Variants in PDIA5 observed in about 807,000 individuals in gnomAD.
PDIA5 encodes protein disulfide isomerase family A member 5.
Under a neutral mutation model 77.6 loss-of-function variants are expected in PDIA5, and 58 were observed. The ratio of observed to expected loss-of-function variants is 0.75; its 90% CI spans 0.61 to 0.93. PDIA5 has a LOEUF of 0.93. PDIA5 is among the 40% of genes least tolerant of loss of function. The pLI is 0.00. For missense variants in PDIA5, 630 were observed against 647.7 expected (o/e 0.97, Z 0.30); for synonymous variants, 250 against 252.1 (o/e 0.99, Z 0.08).
chr3:123,137,686 G>A (rs1935533209), intron 11 of PDIA5, among the ~76,000 whole-genome samples: 1 of 152,118 alleles, frequency 6.6e-6, no homozygotes, highest in Non-Finnish European at 1.5e-5. Flanking sequence ...GAGACACCAA[G>A]AGGTCAAGAA....
At chr3:123,152,885 G>A (rs1030391345) in intron 14 of PDIA5, among the ~76,000 whole-genome samples, 4 of 151,900 alleles carry the variant, frequency 2.6e-5, no homozygotes, top group Admixed American at 6.6e-5. Context: ...AACTGCAATT[G>A]TCCAGCCTGT....
Position 123,162,064 on chromosome 3 carries a change from T to C in PDIA5, c.*104T>C. 2 of 727,784 alleles carry C rather than the reference T, an allele frequency of 2.7e-6. No individual in the cohort carries two copies. Among genetic ancestry groups the C allele is most frequent in the Non-Finnish European group, 4.9e-6 (2 of 406,586 alleles). The allele number at this position is 727,784 out of a possible 1,614,324, so 45.1% of individuals were successfully genotyped here. ...AAGACAAATTTTTTATAGCCGCTTA[T>C]GGCCATTTTGTACAATTTTGAAATA... On this transcript the variant is annotated 3_prime_UTR_variant, in exon 17 of 17. Coordinates refer to ENST00000316218, the MANE Select transcript of PDIA5 (RefSeq NM_006810.4).
rs758679792 is a variant in PDIA5, at chr3:123,102,766, T to C, written c.357T>C (p.His119=). The change falls in exon 5 of 17, where the codon CAT becomes CAC. Residue 119 remains histidine (H), a synonymous_variant. Transcript: ENST00000316218. ...CATTTGACAGGGATGGTGCATTTCA[T>C]ACTGAATATAACCGAGCTGTGACAT... ...ELFHYQDGAF[H]TEYNRAVTFK... The C allele has an allele frequency of 1.3e-5, 21 of 1,610,262 alleles. No homozygotes were observed. The highest frequency in any genetic ancestry group is 1.5e-5 in the Non-Finnish European group (18 of 1,176,486).
intron 14 of PDIA5, among the ~76,000 whole-genome samples, chr3:123,154,556 C>T (rs2107991643): frequency 6.6e-6 from 1 of 152,258 alleles, no homozygotes. Context: ...CACTTCCTCT[C>T]AGTCAGGAAA....
At chr3:123,161,558 G>GTGTTC in intron 16 of PDIA5, 103 bp downstream of exon 16, 1 of 1,279,584 alleles carries the variant, frequency 7.8e-7, no homozygotes, top group Non-Finnish European at 1.1e-6. Context: ...AGAAACTGCA[G>GTGTTC]AAGTCAGCTG....
At position 123,154,958 on chromosome 3, in the gene PDIA5, C is replaced by T. The variant is rs778189647; in HGVS notation, c.1274-13C>T. 6 of 1,577,670 alleles carry T rather than the reference C, an allele frequency of 3.8e-6. No homozygotes were observed. Among genetic ancestry groups the T allele is most frequent in the African/African-American group, 1.3e-5 (1 of 74,212 alleles). Reference sequence around the variant, plus strand: ...CATCACAGTCCTGTGTGCTCTCTTCCCCTCTCACACAGGGTGCCCACACTG... The same window carrying T: ...CATCACAGTCCTGTGTGCTCTCTTCTCCTCTCACACAGGGTGCCCACACTG... On this transcript the variant is annotated splice_polypyrimidine_tract_variant and intron_variant, in intron 14 of 16. Transcript: ENST00000316218.
intron 5 of PDIA5, among the ~76,000 whole-genome samples, 164 bp downstream of exon 5, chr3:123,102,960 A>G (rs1472286951): frequency 6.6e-6 from 1 of 152,270 alleles, no homozygotes; most frequent in Admixed American, 6.5e-5. Context: ...GAATATGTGG[A>G]AAAGTTTGTA....
chr3:123,110,769 C>A (rs765053135), intron 6 of PDIA5, among the ~76,000 whole-genome samples, 175 bp from the exon 7 acceptor site: 2 of 152,166 alleles, frequency 1.3e-5, no homozygotes, highest in Non-Finnish European at 2.9e-5. Context: ...TGGCCTGCCG[C>A]GGCTCTGCCC....
At chr3:123,117,374 TTATATATATATATA>T (rs370968904) in intron 8 of PDIA5, among the ~76,000 whole-genome samples, 3 of 79,872 alleles carry the variant, frequency 3.8e-5, no homozygotes, top group South Asian at 5.7e-4. Flanking sequence ...TTCTATGATT[TTATATATATATATA>T]TATATATATA....
rs140224013 is a variant in PDIA5 at position 123,119,197 on chromosome 3, AG to A, written c.609+2902del. 4.5e-4 allele frequency among the ~76,000 whole-genome samples: 68 copies of A among 152,326 alleles called. No homozygotes were observed. The East Asian group carries it at 0.013, about 29-fold the overall frequency. On this transcript the variant is annotated intron_variant, in intron 8 of 16. Transcript: ENST00000316218. ...CTTGAGCCCAGGAGTTTAAGGCTGC[AG>A]GGAGCTATGATTGCACCATGCTCTG...
intron 11 of PDIA5, among the ~76,000 whole-genome samples, chr3:123,135,746 T>TC (rs1935486031): frequency 6.9e-4 from 1 of 1,448 alleles, no homozygotes; most frequent in East Asian, 0.022. Flanking sequence ...AGGTAACAAC[T>TC]TTTTTTTTTT....
intron 15 of PDIA5, among the ~76,000 whole-genome samples, chr3:123,160,474 C>T (rs1216531588): frequency 6.6e-6 from 1 of 152,204 alleles, no homozygotes; most frequent in African/African-American, 2.4e-5. Flanking sequence ...TCCAGATGTG[C>T]TTCCCTGGTC....
intron 3 of PDIA5, among the ~76,000 whole-genome samples, chr3:123,098,845 T>C (rs986562304): frequency 4.6e-5 from 7 of 152,192 alleles, no homozygotes; most frequent in Non-Finnish European, 8.8e-5. Context: ...GCAAAGCATC[T>C]CGTTTTCCTG....
intron 1 of PDIA5, among the ~76,000 whole-genome samples, chr3:123,085,249 G>A (rs1934107316): frequency 6.6e-6 from 1 of 152,200 alleles, no homozygotes. Context: ...GGCCTTGTGT[G>A]GGGGCCCTGC....
In PDIA5 at chr3:123,102,293, C is replaced by T. The variant is rs1934621524; in HGVS notation, c.258-118C>T. 5.4e-6 allele frequency: 4 copies of T among 740,216 alleles called. No individual in the cohort carries two copies. In the Admixed American group the frequency reaches 8.0e-5, roughly 15 times the overall value. 45.9% of individuals were successfully genotyped at this position (740,216 alleles called of 1,614,324 possible). A position where few individuals can be genotyped will look rare whatever the true frequency, so the allele number is the denominator to read the frequency against. On this transcript the variant is annotated intron_variant, in intron 3 of 16. Coordinates refer to ENST00000316218, the MANE Select transcript of PDIA5 (RefSeq NM_006810.4). ...AGCCCATCTATAGTAAGGCCTTCAT[C>T]TGCTATTGAGAATTCCAAGTTACCT...
At chr3:123,080,265 G>T (rs1051691415) in intron 1 of PDIA5, among the ~76,000 whole-genome samples, 2 of 152,196 alleles carry the variant, frequency 1.3e-5, no homozygotes, top group Admixed American at 6.5e-5. Context: ...AGCCTTCTGG[G>T]TCCAGCTGAG....
At chr3:123,108,391 G>A (rs894767386) in intron 6 of PDIA5, among the ~76,000 whole-genome samples, 3 of 148,126 alleles carry the variant, frequency 2.0e-5, no homozygotes, top group East Asian at 4.1e-4. Context: ...AGCGATTCTC[G>A]TACCTTGGCC....
intron 14 of PDIA5, among the ~76,000 whole-genome samples, chr3:123,152,099 G>T (rs1307485841): frequency 1.0e-4 from 8 of 79,492 alleles, no homozygotes; most frequent in Non-Finnish European, 1.6e-4. Flanking sequence ...CTGCCTTCCT[G>T]CCTTCCTTCC....
At chr3:123,121,407 C>T (rs766398521) in intron 8 of PDIA5, among the ~76,000 whole-genome samples, 1 of 152,176 alleles carries the variant, frequency 6.6e-6, no homozygotes, top group Non-Finnish European at 1.5e-5. Flanking sequence ...CTCCACAGGC[C>T]GAGACCAGGT....
Sources: allele counts gnomAD v4.1 joint callset (sites outside exome capture counted in the v4.1 genomes callset), GRCh38; gene constraint gnomAD v4.1.1; transcripts MANE v1.5; gene names NCBI Gene and HGNC (gene_info 2026-07-23, HGNC 2026-07-21).